Variants in NRG1 observed in about 807,000 individuals in gnomAD.
The protein encoded by NRG1 is neuregulin 1, also known as pro-neuregulin-1, membrane-bound isoform.
A neutral mutation model predicts 63.8 loss-of-function variants in NRG1; 18 were observed. The observed-to-expected ratio is 0.28, with a 90% confidence interval of 0.19 to 0.42. The LOEUF (loss-of-function observed/expected upper bound fraction) is 0.42. Among genes scored for constraint, NRG1 ranks in the 10% least tolerant of loss-of-function variants. The pLI is 1.00. For synonymous variants in NRG1, 302 were observed against 301.3 expected, an observed-to-expected ratio of 1.00 and a Z score of -0.02; for missense variants, 762 against 814.7, an observed-to-expected ratio of 0.94 and a Z score of 0.79.
chr8:32,696,752 C>G (rs898372248), intron 5 of NRG1, among the ~76,000 whole-genome samples: 10 of 151,694 alleles, frequency 6.6e-5, no homozygotes, highest in Non-Finnish European at 1.2e-4. Flanking sequence ...ACCTCCGCCT[C>G]CCAGGCTCAA....
intron 1 of NRG1, among the ~76,000 whole-genome samples, chr8:31,765,650 T>G (rs2131542907): frequency 6.6e-6 from 1 of 152,320 alleles, no homozygotes; most frequent in Non-Finnish European, 1.5e-5. Flanking sequence ...CATATCATTC[T>G]GTGTTCCTCT....
At chr8:31,972,062 G>A (rs1334630877) in intron 1 of NRG1, among the ~76,000 whole-genome samples, 1 of 152,130 alleles carries the variant, frequency 6.6e-6, no homozygotes, top group Admixed American at 6.5e-5. Context: ...CTCAGACAAT[G>A]AGGGTGGCTA....
Position 31,851,633 on chromosome 8 carries a change from G to A in NRG1, c.37+212202G>A, listed in dbSNP as rs186069524. Among the ~76,000 whole-genome samples, 1,147 of 151,856 alleles carry A rather than the reference G, an allele frequency of 7.6e-3. 53 individuals are homozygous for A. In the South Asian group the frequency reaches 0.12, roughly 16 times the overall value. ...TTAATTTATTATTATTATACTTTAA[G>A]TTTTAGGGTACATGTGCACAATGTT... On this transcript the variant is annotated intron_variant, in intron 1 of 10. Coordinates refer to the NRG1 transcript ENST00000519301.
At chr8:32,685,326 A>G (rs1385660350) in intron 5 of NRG1, among the ~76,000 whole-genome samples, 1 of 152,100 alleles carries the variant, frequency 6.6e-6, no homozygotes, top group Non-Finnish European at 1.5e-5. Context: ...GCCTCAATTT[A>G]TTCTTTTGGA....
At chr8:32,576,612 T>C (rs1025263344) in intron 1 of NRG1, among the ~76,000 whole-genome samples, 2 of 152,156 alleles carry the variant, frequency 1.3e-5, no homozygotes, top group African/African-American at 4.8e-5. Flanking sequence ...ACATTAACTC[T>C]GTAAATGCCA....
chr8:32,390,011 T>C (rs911652540), intron 1 of NRG1, among the ~76,000 whole-genome samples: 3 of 152,094 alleles, frequency 2.0e-5, no homozygotes, highest in Non-Finnish European at 4.4e-5. Flanking sequence ...CTGTCCACCT[T>C]GGCCTCCCAA....
At chr8:32,446,516 G>T (rs908613065) in intron 1 of NRG1, among the ~76,000 whole-genome samples, 5 of 152,094 alleles carry the variant, frequency 3.3e-5, no homozygotes, top group Non-Finnish European at 7.4e-5. Flanking sequence ...TTAGCTGGGC[G>T]TGGTGGTACA....
intron 1 of NRG1, among the ~76,000 whole-genome samples, chr8:32,041,451 A>G (rs1820023667): frequency 6.6e-6 from 1 of 152,208 alleles, no homozygotes; most frequent in African/African-American, 2.4e-5. Context: ...TAGCAGACGG[A>G]CTGAGAAAGA....
intron 1 of NRG1, among the ~76,000 whole-genome samples, chr8:31,987,374 T>G (rs1016988593): frequency 1.4e-5 from 2 of 144,316 alleles, no homozygotes; most frequent in African/African-American, 5.3e-5. Context: ...ATGACAGAAT[T>G]TACCTGTAAG....
At chr8:32,179,120 A>G (rs754381825) in intron 1 of NRG1, among the ~76,000 whole-genome samples, 6 of 147,452 alleles carry the variant, frequency 4.1e-5, no homozygotes, top group Non-Finnish European at 7.5e-5. Flanking sequence ...AGGCAGAGGA[A>G]TGAGCTGCTC....
In NRG1 at chr8:32,281,184, C is replaced by CTTTTTTTTTTTTTTTTTTTTT. The variant is rs35582021; in HGVS notation, c.38-314633_38-314632insTTTTTTTTTTTTTTTTTTTTT. The stretch of plus-strand genomic sequence containing the variant: ...CATAGTACCCAATAGGTAGTTTTTC[C>CTTTTTTTTTTTTTTTTTTTTT]TTTTTTTTTTTGAGACAGAATCTCG... On this transcript the variant is annotated intron_variant, in intron 1 of 10. Transcript: ENST00000519301. 2.0e-3 allele frequency among the ~76,000 whole-genome samples: 191 copies of CTTTTTTTTTTTTTTTTTTTTT among 94,280 alleles called. 30 individuals are homozygous for CTTTTTTTTTTTTTTTTTTTTT. Among genetic ancestry groups the CTTTTTTTTTTTTTTTTTTTTT allele is most frequent in the Non-Finnish European group, 2.9e-3 (148 of 50,500 alleles). 61.9% of individuals were successfully genotyped at this position (94,280 alleles called of 152,430 possible).
chr8:32,740,803 A>G (rs1157676429), intron 6 of NRG1, among the ~76,000 whole-genome samples: 1 of 152,188 alleles, frequency 6.6e-6, no homozygotes, highest in Non-Finnish European at 1.5e-5. Flanking sequence ...GTAACAAGGA[A>G]CAGTTTTGTT....
intron 2 of NRG1, among the ~76,000 whole-genome samples, chr8:32,597,206 G>A (rs1489636909): frequency 1.3e-5 from 2 of 152,226 alleles, no homozygotes; most frequent in East Asian, 3.9e-4. Context: ...GAACCCCCAA[G>A]TATGGTAACA....
rs575103291 is a variant in NRG1, at chr8:32,747,375, T to C, written c.691+4642T>C. On this transcript the variant is annotated intron_variant, in intron 7 of 11. Transcript: ENST00000356819. ...AATCTGGGTCCCACCTTCATGGAAA[T>C]GAGTAAGGAAATTTATTATTGACTT... is the stretch of plus-strand genomic sequence containing the variant. Among the ~76,000 whole-genome samples, 22 of 152,128 alleles carry C rather than the reference T, an allele frequency of 1.4e-4. No homozygotes were observed. The East Asian group carries it at 3.7e-3, about 25-fold the overall frequency.
At chr8:32,055,149 C>T (rs1294238833) in intron 1 of NRG1, among the ~76,000 whole-genome samples, 2 of 151,986 alleles carry the variant, frequency 1.3e-5, no homozygotes, top group African/African-American at 4.8e-5. Context: ...CTTGGCCTCC[C>T]AAAGTGCTGG....
intron 1 of NRG1, among the ~76,000 whole-genome samples, chr8:32,266,180 G>A (rs1292032123): frequency 2.6e-5 from 4 of 152,194 alleles, no homozygotes; most frequent in African/African-American, 9.7e-5. Context: ...TTTCCCAACA[G>A]TGTGCGCTGA....
At chr8:32,553,618 C>G (rs1418619215) in intron 1 of NRG1, among the ~76,000 whole-genome samples, 1 of 152,050 alleles carries the variant, frequency 6.6e-6, no homozygotes, top group Non-Finnish European at 1.5e-5. Context: ...AAACATGACT[C>G]TTTTTTCTGG....
At chr8:32,375,367 G>A (rs929300098) in intron 1 of NRG1, among the ~76,000 whole-genome samples, 3 of 152,116 alleles carry the variant, frequency 2.0e-5, no homozygotes, top group Non-Finnish European at 2.9e-5. Context: ...GAGGAAAGGT[G>A]ATAGAACCAC....
chr8:32,286,456 G>A (rs2129473661), intron 1 of NRG1, among the ~76,000 whole-genome samples: 1 of 152,286 alleles, frequency 6.6e-6, no homozygotes, highest in African/African-American at 2.4e-5. Context: ...TTGGATATTT[G>A]TCCACTCTAA....
Sources: gnomAD v4.1 joint callset for allele counts (sites outside exome capture counted in the v4.1 genomes callset) on GRCh38, gnomAD v4.1.1 for gene constraint, MANE v1.5 for transcripts, NCBI Gene and HGNC (gene_info 2026-07-23, HGNC 2026-07-21) for gene names.